CCSER1: variants seen among roughly 807,000 people sequenced by gnomAD.
CCSER1 encodes the protein coiled-coil serine rich protein 1, also known as serine-rich coiled-coil domain-containing protein 1.
CCSER1 carries 41 observed loss-of-function variants against 82.0 expected under a neutral mutation model. That is an observed-to-expected ratio of 0.50 (90% confidence interval 0.39 to 0.65). CCSER1 has a LOEUF of 0.65. Ranked by LOEUF, CCSER1 falls within the 30% of genes least tolerant of loss-of-function variation. The pLI, the probability that CCSER1 is intolerant of heterozygous loss-of-function variation, is 0.00. For missense variants in CCSER1, 1,119 were observed against 1,064.2 expected (o/e 1.05, Z -0.72); for synonymous variants, 414 against 383.9 (o/e 1.08, Z -0.92).
intron 6 of CCSER1, among the ~76,000 whole-genome samples, chr4:90,721,831 C>G (rs1336781746): frequency 1.3e-5 from 2 of 150,696 alleles, no homozygotes; most frequent in Admixed American, 1.3e-4. Context: ...AACTTGATAA[C>G]TAAGTACAGT....
chr4:90,380,385 C>T (rs975671063), intron 3 of CCSER1, among the ~76,000 whole-genome samples: 1 of 152,096 alleles, frequency 6.6e-6, no homozygotes, highest in East Asian at 1.9e-4. Context: ...ATTTTAGTTA[C>T]TTAATTATTA....
At chr4:91,280,472 G>A (rs140361199) in intron 10 of CCSER1, among the ~76,000 whole-genome samples, 4 of 152,250 alleles carry the variant, frequency 2.6e-5, no homozygotes, top group African/African-American at 4.8e-5. Flanking sequence ...GTAGTTATCA[G>A]GTTGTGTTTG....
chr4:91,338,872 T>G (rs1305342181), intron 10 of CCSER1, among the ~76,000 whole-genome samples: 1 of 152,082 alleles, frequency 6.6e-6, no homozygotes, highest in Non-Finnish European at 1.5e-5. Context: ...ATATATATAT[T>G]TAAAAGCACA....
rs1186371458 is a variant in CCSER1, at chr4:90,319,073, C to T, written c.1509+6026C>T. Among the ~76,000 whole-genome samples the T allele has an allele frequency of 6.6e-5, 10 of 152,288 alleles. No homozygotes were observed. The East Asian group carries it at 1.7e-3, about 26-fold the overall frequency. Reference sequence around the variant, plus strand: ...TCCCAGCTTTGTCTGTGCCTTATCTCACACACTCAATGACACTGTTAAATA... The same window carrying T: ...TCCCAGCTTTGTCTGTGCCTTATCTTACACACTCAATGACACTGTTAAATA... On this transcript the variant is annotated intron_variant, in intron 3 of 10. Coordinates refer to ENST00000509176, the MANE Select transcript of CCSER1 (RefSeq NM_001145065.2).
chr4:90,763,109 CA>C (rs1750649764), intron 7 of CCSER1, among the ~76,000 whole-genome samples: 1 of 151,948 alleles, frequency 6.6e-6, no homozygotes, highest in East Asian at 1.9e-4. Flanking sequence ...TGATTTCTGT[CA>C]TCATTTCTTG....
intron 5 of CCSER1, among the ~76,000 whole-genome samples, chr4:90,608,421 A>G (rs951558339): frequency 6.6e-6 from 1 of 152,136 alleles, no homozygotes; most frequent in Non-Finnish European, 1.5e-5. Context: ...GGGTCAGAAT[A>G]AGTTATTTCT....
intron 5 of CCSER1, among the ~76,000 whole-genome samples, chr4:90,593,375 AC>A (rs1782938895): frequency 6.6e-6 from 1 of 152,144 alleles, no homozygotes; most frequent in Non-Finnish European, 1.5e-5. Context: ...GAATGAAGCA[AC>A]AAAAGCAGAG....
At chr4:90,546,513 G>T (rs1462992048) in intron 5 of CCSER1, among the ~76,000 whole-genome samples, 1 of 152,082 alleles carries the variant, frequency 6.6e-6, no homozygotes, top group Non-Finnish European at 1.5e-5. Flanking sequence ...ATATGACTTA[G>T]TATGTTTGAC....
rs757354958 is a variant in CCSER1 at position 90,221,632 on chromosome 4, A to G, written c.-41-86612A>G. On this transcript the variant is annotated intron_variant, in intron 1 of 10. Transcript: ENST00000509176. ...CTATTAAAATACAAATTGTATCTCTATTTCTTAAAAATATATATTTATTCT... is the reference window on the plus strand; with the variant it reads ...CTATTAAAATACAAATTGTATCTCTGTTTCTTAAAAATATATATTTATTCT... Among the ~76,000 whole-genome samples, 21 of 152,276 alleles carry G rather than the reference A, an allele frequency of 1.4e-4. No homozygotes were observed. In the Middle Eastern group the frequency reaches 0.01, roughly 74 times the overall value.
Position 91,010,753 on chromosome 4 carries a change from T to A in CCSER1, c.2173-75197T>A, listed in dbSNP as rs1738943497. ...TTGTTGAATTCTTCACCTCTTAATATTTCTGCTTGTTTCTTTTTTATATCC... is the reference window on the plus strand; with the variant it reads ...TTGTTGAATTCTTCACCTCTTAATAATTCTGCTTGTTTCTTTTTTATATCC... On this transcript the variant is annotated intron_variant, in intron 9 of 10. Transcript: ENST00000509176. Among the ~76,000 whole-genome samples the A allele has an allele frequency of 1.5e-5, 2 of 134,472 alleles. 1 individual carries two copies. The highest frequency in any genetic ancestry group is 3.4e-5 in the Non-Finnish European group (2 of 58,054). The allele number at this position is 134,472 out of a possible 152,430, so 88.2% of individuals were successfully genotyped here. A position where few individuals can be genotyped will look rare whatever the true frequency, so the allele number is the denominator to read the frequency against.
chr4:90,719,500 A>T (rs557087167), intron 6 of CCSER1, among the ~76,000 whole-genome samples: 1 of 152,286 alleles, frequency 6.6e-6, no homozygotes, highest in East Asian at 1.9e-4. Flanking sequence ...GTTTTCCATG[A>T]AAACGGTCCC....
chr4:90,837,222 T>C (rs1761913260), intron 8 of CCSER1, among the ~76,000 whole-genome samples: 1 of 152,176 alleles, frequency 6.6e-6, no homozygotes, highest in East Asian at 1.9e-4. Flanking sequence ...TTAAATAATC[T>C]GTGATTATTT....
At chr4:91,063,340 T>G (rs1744112505) in intron 9 of CCSER1, among the ~76,000 whole-genome samples, 1 of 152,144 alleles carries the variant, frequency 6.6e-6, no homozygotes, top group South Asian at 2.1e-4. Context: ...ATAAGGCATG[T>G]GATGTAATTA....
chr4:91,196,102 G>T (rs75905279), intron 10 of CCSER1, among the ~76,000 whole-genome samples: 3 of 150,820 alleles, frequency 2.0e-5, no homozygotes, highest in Non-Finnish European at 4.4e-5. Flanking sequence ...CAGGAGAATG[G>T]CATGAACCCG....
intron 8 of CCSER1, among the ~76,000 whole-genome samples, chr4:90,877,041 T>G (rs1481658642): frequency 6.6e-6 from 1 of 152,080 alleles, no homozygotes; most frequent in Admixed American, 6.6e-5. Flanking sequence ...CTTTTTTTCT[T>G]TATAGTGAGG....
intron 8 of CCSER1, chr4:90,838,836 TA>T: frequency 1.3e-6 from 2 of 1,598,468 alleles, no homozygotes; most frequent in Non-Finnish European, 8.6e-7. Flanking sequence ...GTTAAACAGC[TA>T]AAAGAAGTAA....
chr4:91,187,853 G>GAA (rs1361446180), intron 10 of CCSER1, among the ~76,000 whole-genome samples: 2 of 152,108 alleles, frequency 1.3e-5, no homozygotes, highest in Non-Finnish European at 2.9e-5. Context: ...GTGCCCAGCT[G>GAA]AAATTTGGTT....
chr4:91,103,004 C>T (rs568430690), intron 10 of CCSER1, among the ~76,000 whole-genome samples: 2 of 152,108 alleles, frequency 1.3e-5, no homozygotes, highest in South Asian at 2.1e-4. Flanking sequence ...TCATATTGAA[C>T]AAATAATCCT....
intron 9 of CCSER1, among the ~76,000 whole-genome samples, chr4:90,971,513 A>G (rs775883070): frequency 6.6e-6 from 1 of 151,982 alleles, no homozygotes; most frequent in Non-Finnish European, 1.5e-5. Context: ...GATTGAATCA[A>G]TAATCCAAAG....
Sources: allele counts gnomAD v4.1 joint callset (sites outside exome capture counted in the v4.1 genomes callset), GRCh38; gene constraint gnomAD v4.1.1; transcripts MANE v1.5; gene names NCBI Gene and HGNC (gene_info 2026-07-23, HGNC 2026-07-21).